The following ZC2HC1A variants were observed in gnomAD, a reference collection of about 807,000 sequenced individuals.
ZC2HC1A encodes zinc finger C2HC-type containing 1A.
ZC2HC1A carries 28 observed loss-of-function variants against 40.7 expected under a neutral mutation model. That is an observed-to-expected ratio of 0.69 (90% CI 0.51 to 0.94). ZC2HC1A has a LOEUF of 0.94. Ranked by LOEUF, ZC2HC1A falls within the 40% of genes least tolerant of loss-of-function variation. The probability of loss-of-function intolerance (pLI) is 0.00; values close to 1 mark genes in which losing one functional copy is unlikely to be tolerated. For synonymous variants in ZC2HC1A, 129 were observed against 129.2 expected, an observed-to-expected ratio of 1.00 and a Z score of 0.01; for missense variants, 389 against 386.3, an observed-to-expected ratio of 1.01 and a Z score of -0.06.
intron 5 of ZC2HC1A, among the ~76,000 whole-genome samples, chr8:78,693,438 A>G (rs1005675731): frequency 2.6e-5 from 4 of 152,144 alleles, no homozygotes; most frequent in Non-Finnish European, 4.4e-5. Flanking sequence ...CTGGTGTGAG[A>G]TGGTATCTCA....
intron 3 of ZC2HC1A, among the ~76,000 whole-genome samples, chr8:78,682,594 G>A (rs1809825180): frequency 6.6e-6 from 1 of 152,150 alleles, no homozygotes; most frequent in African/African-American, 2.4e-5. Context: ...CCCACAACCT[G>A]TGGGGATTAT....
chr8:78,678,978 C>A (rs1489037714), intron 3 of ZC2HC1A: 2 of 185,472 alleles, frequency 1.1e-5, no homozygotes, highest in African/African-American at 4.7e-5. Context: ...GTCCCACATT[C>A]TTTTCAAGTC....
intron 5 of ZC2HC1A, among the ~76,000 whole-genome samples, chr8:78,694,286 GTT>G (rs34581027): frequency 2.2e-3 from 311 of 142,456 alleles, no homozygotes; most frequent in South Asian, 6.8e-3. Flanking sequence ...TATGTTCCTT[GTT>G]TTTTTTTTTT....
intron 1 of ZC2HC1A, among the ~76,000 whole-genome samples, chr8:78,672,424 A>G (rs1245364539): frequency 6.6e-6 from 1 of 152,164 alleles, no homozygotes; most frequent in Non-Finnish European, 1.5e-5. Flanking sequence ...TTGCATAACT[A>G]GGTGATCTTA....
chr8:78,669,437 C>G (rs781580910), intron 1 of ZC2HC1A, among the ~76,000 whole-genome samples: 1 of 151,940 alleles, frequency 6.6e-6, no homozygotes, highest in South Asian at 2.1e-4. Flanking sequence ...TGTTAGATGG[C>G]GAAAATCACA....
intron 7 of ZC2HC1A, 88 bp from the exon 8 acceptor site, chr8:78,715,133 G>T: frequency 8.8e-7 from 1 of 1,139,454 alleles, no homozygotes; most frequent in Non-Finnish European, 1.2e-6. Flanking sequence ...AAGCTTCTAA[G>T]TATTCTTTCT....
intron 3 of ZC2HC1A, among the ~76,000 whole-genome samples, chr8:78,682,111 A>G (rs1219192490): frequency 6.6e-6 from 1 of 152,106 alleles, no homozygotes; most frequent in East Asian, 1.9e-4. Context: ...AAATATAGAC[A>G]TAGTAGGAAT....
At chr8:78,688,442 A>C (rs142465227) in intron 4 of ZC2HC1A, among the ~76,000 whole-genome samples, 1 of 152,152 alleles carries the variant, frequency 6.6e-6, no homozygotes, top group African/African-American at 2.4e-5. Flanking sequence ...ATAAATTGAA[A>C]AGGGCAAACT....
At chr8:78,707,255 G>A (rs1031056307) in intron 7 of ZC2HC1A, among the ~76,000 whole-genome samples, 3 of 152,148 alleles carry the variant, frequency 2.0e-5, no homozygotes, top group African/African-American at 7.2e-5. Flanking sequence ...TATTTCTATA[G>A]TACTGGCAAT....
At chr8:78,689,974 G>A (rs1211584874) in intron 5 of ZC2HC1A, among the ~76,000 whole-genome samples, 1 of 152,108 alleles carries the variant, frequency 6.6e-6, no homozygotes, top group Non-Finnish European at 1.5e-5. Flanking sequence ...TGGTATTTGT[G>A]TATAGTGTGA....
At chr8:78,703,213 G>C (rs1222397633) in intron 7 of ZC2HC1A, among the ~76,000 whole-genome samples, 2 of 152,090 alleles carry the variant, frequency 1.3e-5, no homozygotes, top group East Asian at 3.9e-4. Flanking sequence ...ATCAATTTTA[G>C]AGTATGTGCC....
intron 7 of ZC2HC1A, among the ~76,000 whole-genome samples, chr8:78,701,726 C>A (rs767211658): frequency 6.6e-6 from 1 of 152,116 alleles, no homozygotes; most frequent in Non-Finnish European, 1.5e-5. Flanking sequence ...TATTGAAAAC[C>A]TTTTCGTCAT....
At chr8:78,682,745 T>G (rs1421621044) in intron 3 of ZC2HC1A, among the ~76,000 whole-genome samples, 2 of 152,178 alleles carry the variant, frequency 1.3e-5, no homozygotes, top group African/African-American at 4.8e-5. Context: ...TCTTAACTCA[T>G]TTCAGCATTA....
intron 7 of ZC2HC1A, among the ~76,000 whole-genome samples, chr8:78,699,708 G>A (rs1810539265): frequency 6.6e-6 from 1 of 152,132 alleles, no homozygotes; most frequent in Non-Finnish European, 1.5e-5. Flanking sequence ...TTATAAGTGA[G>A]AACATGCAGT....
intron 5 of ZC2HC1A, 31 bp downstream of exon 5, chr8:78,689,404 G>T: frequency 6.6e-7 from 1 of 1,526,250 alleles, no homozygotes; most frequent in South Asian, 1.3e-5. Flanking sequence ...TGCTATAAAC[G>T]AGAAAATGGC....
At chr8:78,689,471 C>G (rs1810137484) in intron 5 of ZC2HC1A, 98 bp downstream of exon 5, 3 of 1,151,116 alleles carry the variant, frequency 2.6e-6, no homozygotes, top group Non-Finnish European at 3.5e-6. Flanking sequence ...CTATATTTTT[C>G]TCACCTGCTT....
At position 78,687,858 on chromosome 8, in the gene ZC2HC1A, ATATATC is replaced by A. The variant is rs1563627156; in HGVS notation, c.352+1256_352+1261del. Among the ~76,000 whole-genome samples, 60 of 85,392 alleles carry A rather than the reference ATATATC, an allele frequency of 7.0e-4. 2 individuals carry two copies. The highest frequency in any genetic ancestry group is 5.3e-3 in the East Asian group (15 of 2,808). The allele number at this position is 85,392 out of a possible 152,430, so 56.0% of individuals were successfully genotyped here. On this transcript the variant is annotated intron_variant, in intron 4 of 8. Transcript: ENST00000263849. ...TAAATTATATATATATTTATATAAT[ATATATC>A]TATATAATAAATATATATTTATATA...
At chr8:78,669,176 A>G (rs1809377588) in intron 1 of ZC2HC1A, among the ~76,000 whole-genome samples, 1 of 152,042 alleles carries the variant, frequency 6.6e-6, no homozygotes, top group Non-Finnish European at 1.5e-5. Flanking sequence ...GCTTTTTGGT[A>G]GTGAGTTGGA....
At chr8:78,676,383 A>G (rs1809579958) in intron 2 of ZC2HC1A, among the ~76,000 whole-genome samples, 3 of 152,002 alleles carry the variant, frequency 2.0e-5, no homozygotes. Context: ...AAGTACACCT[A>G]AAATTTATTA....
Sources: allele counts gnomAD v4.1 joint callset (sites outside exome capture counted in the v4.1 genomes callset), GRCh38; gene constraint gnomAD v4.1.1; transcripts MANE v1.5; gene names NCBI Gene and HGNC (gene_info 2026-07-23, HGNC 2026-07-21).